KLHL29: variants seen among roughly 807,000 people sequenced by gnomAD.
The protein encoded by KLHL29 is kelch-like protein 29.
Under a neutral mutation model 80.4 loss-of-function variants are expected in KLHL29, and 21 were observed. That is an observed-to-expected ratio of 0.26 (90% CI 0.19 to 0.38). The LOEUF (loss-of-function observed/expected upper bound fraction) is 0.38, where lower values mean the gene tolerates loss of function less well. Ranked by LOEUF, KLHL29 falls within the 10% of genes least tolerant of loss-of-function variation. KLHL29 has a pLI of 1.00. For missense variants in KLHL29, 867 were observed against 1,223.9 expected (o/e 0.71, Z 4.35); for synonymous variants, 511 against 526.8 (o/e 0.97, Z 0.41).
intron 5 of KLHL29, chr2:23,667,095 C>T (rs1259240879): frequency 1.3e-5 from 2 of 152,232 alleles, no homozygotes; most frequent in Non-Finnish European, 2.9e-5. Context: ...CGTGATACCA[C>T]CTGTCATTAA....
rs527248083 is a variant in KLHL29 at position 23,706,929 on chromosome 2, C to T, written c.*265C>T. On this transcript the variant is annotated 3_prime_UTR_variant, in exon 14 of 14. Coordinates refer to ENST00000486442, the MANE Select transcript of KLHL29 (RefSeq NM_052920.2). ...TCCTGAACAGGGGCGCTCGCTCTGC[C>T]AGGTGCAATAGAGTTTCACGTATTT... is the stretch of plus-strand genomic sequence containing the variant. The T allele has an allele frequency of 5.9e-5, 22 of 374,270 alleles. No individual in the cohort carries two copies. The highest frequency in any genetic ancestry group is 3.9e-4 in the African/African-American group (19 of 48,110). 23.2% of individuals were successfully genotyped at this position (374,270 alleles called of 1,614,324 possible).
At chr2:23,526,144 T>C (rs1666308418) in intron 2 of KLHL29, among the ~76,000 whole-genome samples, 1 of 152,176 alleles carries the variant, frequency 6.6e-6, no homozygotes, top group Non-Finnish European at 1.5e-5. Flanking sequence ...TGTTAAGTCA[T>C]TGAGTAGAAG....
rs543522155 is a variant in KLHL29, at chr2:23,702,946, G to A, written c.2106-240G>A. Reference sequence around the variant, plus strand: ...ATGGAGACAGGAATTCTGCACAGACGCTGCCATAGGCAGAAAGAGCCCACT... The same window carrying A: ...ATGGAGACAGGAATTCTGCACAGACACTGCCATAGGCAGAAAGAGCCCACT... On this transcript the variant is annotated intron_variant, in intron 11 of 13. Coordinates refer to ENST00000486442, the MANE Select transcript of KLHL29 (RefSeq NM_052920.2). Among the ~76,000 whole-genome samples the A allele has an allele frequency of 2.0e-5, 3 of 151,346 alleles. No homozygotes were observed. The South Asian group carries it at 6.4e-4, about 32-fold the overall frequency.
chr2:23,545,585 C>T (rs1255390216), intron 2 of KLHL29, among the ~76,000 whole-genome samples: 2 of 152,170 alleles, frequency 1.3e-5, no homozygotes, highest in Non-Finnish European at 2.9e-5. Flanking sequence ...TCGTGGTAAG[C>T]GAAAGGGGGT....
intron 1 of KLHL29, among the ~76,000 whole-genome samples, chr2:23,420,488 G>A (rs2577740): frequency 1.1e-3 from 169 of 152,304 alleles, no homozygotes; most frequent in Non-Finnish European, 1.9e-3. Context: ...TCCTCCATGC[G>A]TCTTCATCTC....
At chr2:23,515,039 A>G (rs1171500793) in intron 2 of KLHL29, among the ~76,000 whole-genome samples, 3 of 152,158 alleles carry the variant, frequency 2.0e-5, no homozygotes, top group African/African-American at 7.2e-5. Context: ...CCTCCACCCA[A>G]CACTAGCCCA....
At chr2:23,584,211 C>A (rs781493731) in intron 3 of KLHL29, among the ~76,000 whole-genome samples, 6 of 152,214 alleles carry the variant, frequency 3.9e-5, no homozygotes, top group Non-Finnish European at 5.9e-5. Context: ...TCCCCTGGGC[C>A]TGGGTATGAA....
intron 3 of KLHL29, among the ~76,000 whole-genome samples, chr2:23,629,083 G>A (rs572166933): frequency 2.0e-5 from 3 of 152,344 alleles, no homozygotes; most frequent in South Asian, 4.1e-4. Context: ...AGGGCGGCGG[G>A]GCCTCTGAGC....
rs528759909 is a variant in KLHL29 at position 23,642,754 on chromosome 2, A to G, written c.844A>G (p.Asn282Asp). 293 of 1,550,178 alleles carry G rather than the reference A, an allele frequency of 1.9e-4. 4 individuals are homozygous for G. In the South Asian group the frequency reaches 3.3e-3, roughly 18 times the overall value. ...TCTCCCCAGTGGTGCCCCTGCCACC[A>G]ATGGGCCCCCCACAACCGACTCGGC... ...ATLPSGAPAT[N>D]GPPTTDSAHG... is the part of the protein sequence containing the mutation. The change falls in exon 5 of 14, where the codon AAT (asparagine) becomes GAT (aspartate). Residue 282 changes from asparagine (N) to aspartate (D), a missense_variant. Around this residue, in one of 2 missense-constraint regions of KLHL29, gnomAD observed 424 missense variants for 456.9 expected, o/e 0.93. Coordinates refer to ENST00000486442, the MANE Select transcript of KLHL29 (RefSeq NM_052920.2).
intron 2 of KLHL29, among the ~76,000 whole-genome samples, chr2:23,549,315 A>G (rs576218730): frequency 6.6e-5 from 10 of 152,188 alleles, no homozygotes; most frequent in South Asian, 4.1e-4. Flanking sequence ...AACAAAATCT[A>G]TGTTTCAATT....
chr2:23,677,348 C>T (rs1305756142), intron 5 of KLHL29, among the ~76,000 whole-genome samples: 1 of 152,180 alleles, frequency 6.6e-6, no homozygotes, highest in Non-Finnish European at 1.5e-5. Context: ...GACTTTGGCT[C>T]CCTTTTAGAT....
intron 11 of KLHL29, among the ~76,000 whole-genome samples, chr2:23,701,778 C>T (rs1672384287): frequency 1.4e-5 from 2 of 148,142 alleles, no homozygotes; most frequent in South Asian, 4.3e-4. Flanking sequence ...GCTTCGCACA[C>T]ATGGCTTTTT....
At chr2:23,436,413 C>A (rs1663345046) in intron 1 of KLHL29, among the ~76,000 whole-genome samples, 1 of 151,688 alleles carries the variant, frequency 6.6e-6, no homozygotes, top group Non-Finnish European at 1.5e-5. Context: ...TTTTTTCTCC[C>A]TCAAAATATG....
At chr2:23,568,177 A>C (rs1214280851) in intron 3 of KLHL29, among the ~76,000 whole-genome samples, 1 of 152,170 alleles carries the variant, frequency 6.6e-6, no homozygotes, top group Non-Finnish European at 1.5e-5. Context: ...CACTTGTAAG[A>C]GACGAGCCTT....
chr2:23,691,852 T>G lies in KLHL29; in HGVS notation c.1258T>G (p.Cys420Gly), dbSNP rs1014998663. ...AASKFQFHTF[C>G]KVCVSFLEKQ... ...CAGCAAGTTCCAGTTCCACACCTTC[T>G]GCAAAGTCTGCGTGTCCTTTCTCGG... The change falls in exon 7 of 14, where the codon TGC becomes GGC. Residue 420 changes from cysteine (C) to glycine (G), a missense_variant. By Grantham distance (159) the Cys-to-Gly change is radical. Transcript: ENST00000486442. 1.3e-6 allele frequency: 2 copies of G among 1,550,842 alleles called. No individual in the cohort carries two copies. The highest frequency in any genetic ancestry group is 1.7e-6 in the Non-Finnish European group (2 of 1,146,978).
chr2:23,507,782 A>G (rs190726647), intron 2 of KLHL29, among the ~76,000 whole-genome samples: 2 of 152,062 alleles, frequency 1.3e-5, no homozygotes, highest in East Asian at 3.9e-4. Flanking sequence ...ACCTTTGACA[A>G]GTCATTCCCT....
intron 5 of KLHL29, among the ~76,000 whole-genome samples, chr2:23,658,993 T>A (rs72792071): frequency 6.6e-6 from 1 of 152,074 alleles, no homozygotes; most frequent in Non-Finnish European, 1.5e-5. Context: ...TCACTCACTC[T>A]CCCCACCACC....
chr2:23,400,671 C>CA (rs201256693), intron 1 of KLHL29, among the ~76,000 whole-genome samples: 8,966 of 140,570 alleles, frequency 0.064, 321 homozygotes, highest in Non-Finnish European at 0.091. Flanking sequence ...CCCATCTCTA[C>CA]AAAAAAAAAA....
At chr2:23,549,851 A>C (rs965690838) in intron 2 of KLHL29, among the ~76,000 whole-genome samples, 1 of 152,242 alleles carries the variant, frequency 6.6e-6, no homozygotes, top group Non-Finnish European at 1.5e-5. Flanking sequence ...GGCTGCTTGC[A>C]TGGCGGGCAG....
Sources: gnomAD v4.1 joint callset for allele counts (sites outside exome capture counted in the v4.1 genomes callset) on GRCh38, gnomAD v4.1.1 for gene constraint, gnomAD v4.1.1 regional missense constraint, MANE v1.5 for transcripts, NCBI Gene and HGNC (gene_info 2026-07-23, HGNC 2026-07-21) for gene names.